SSUH2: variants seen among roughly 807,000 people sequenced by gnomAD.
The protein encoded by SSUH2 is ssu-2 homolog.
A neutral mutation model predicts 55.3 loss-of-function variants in SSUH2; 47 were observed. The observed-to-expected ratio is 0.85, with a 90% confidence interval of 0.67 to 1.08. The LOEUF is 1.08. Ranked by LOEUF, SSUH2 falls within the 50% of genes least tolerant of loss-of-function variation. The pLI is 0.00. For missense variants in SSUH2, 535 were observed against 490.7 expected, an observed-to-expected ratio of 1.09 and a Z score of -0.85; for synonymous variants, 212 against 191.5, an observed-to-expected ratio of 1.11 and a Z score of -0.89.
chr3:8,672,069 C>G (rs1463832896), intron 3 of SSUH2: 1 of 152,096 alleles, frequency 6.6e-6, no homozygotes, highest in Non-Finnish European at 1.5e-5. Context: ...GGGAGTGTTT[C>G]CACCCCCAGC....
chr3:8,627,326 G>T (rs924333377), intron 8 of SSUH2: 5 of 194,124 alleles, frequency 2.6e-5, no homozygotes, highest in Admixed American at 6.1e-5. Flanking sequence ...ATAGGGGCTT[G>T]CCCAGGAACT....
intron 7 of SSUH2, among the ~76,000 whole-genome samples, chr3:8,629,106 G>A (rs1280279142): frequency 2.6e-5 from 4 of 152,142 alleles, no homozygotes; most frequent in Non-Finnish European, 5.9e-5. Flanking sequence ...TGATCTGCCC[G>A]CCTTGGCCTC....
chr3:8,630,257 C>A (rs907702812), intron 6 of SSUH2, among the ~76,000 whole-genome samples: 1 of 152,132 alleles, frequency 6.6e-6, no homozygotes, highest in African/African-American at 2.4e-5. Flanking sequence ...ACCCTTAAAT[C>A]CAGTCCAAAA....
chr3:8,680,066 A>AT (rs1169901267), intron 1 of SSUH2, among the ~76,000 whole-genome samples: 1 of 152,164 alleles, frequency 6.6e-6, no homozygotes, highest in Non-Finnish European at 1.5e-5. Flanking sequence ...CCGATCTGAC[A>AT]AAGCCTTTTC....
chr3:8,636,700 A>G (rs1348109402), intron 1 of SSUH2, among the ~76,000 whole-genome samples: 1 of 152,004 alleles, frequency 6.6e-6, no homozygotes, highest in Non-Finnish European at 1.5e-5. Context: ...CTCTCCCTTC[A>G]CAAACGTCAG....
At position 8,634,534 on chromosome 3, in the gene SSUH2, A is replaced by G. The variant is rs887390077; in HGVS notation, c.210-739T>C. The G allele has an allele frequency of 3.9e-6, 5 of 1,289,656 alleles. No homozygotes were observed. The Admixed American group carries it at 6.9e-5, about 18-fold the overall frequency. 79.9% of individuals were successfully genotyped at this position (1,289,656 alleles called of 1,614,324 possible). A position where few individuals can be genotyped will look rare whatever the true frequency, so the allele number is the denominator to read the frequency against. On this transcript the variant is annotated intron_variant, in intron 3 of 11. Transcript: ENST00000544814. ...CACACTTGTATCTCCAGCATCCTCCAGCCCTGGCACACAGAGGGGCCCGTC... is the reference window on the plus strand; with the variant it reads ...CACACTTGTATCTCCAGCATCCTCCGGCCCTGGCACACAGAGGGGCCCGTC...
chr3:8,666,632 T>C (rs1428780728), intron 5 of SSUH2, among the ~76,000 whole-genome samples: 1 of 152,130 alleles, frequency 6.6e-6, no homozygotes, highest in East Asian at 1.9e-4. Flanking sequence ...TGTGACCAAA[T>C]GTAGGCAGGG....
At chr3:8,639,515 G>C (rs1700482084) in intron 1 of SSUH2, among the ~76,000 whole-genome samples, 1 of 152,212 alleles carries the variant, frequency 6.6e-6, no homozygotes, top group Non-Finnish European at 1.5e-5. Context: ...TCCATGCAAA[G>C]AGCATCAGGT....
At chr3:8,681,234 C>G (rs1304211177) in intron 1 of SSUH2, among the ~76,000 whole-genome samples, 3 of 146,556 alleles carry the variant, frequency 2.0e-5, no homozygotes, top group African/African-American at 7.5e-5. Context: ...CTCAGGACCC[C>G]CATCGCAGGG....
chr3:8,663,666 G>T, intron 6 of SSUH2: 2 of 368,808 alleles, frequency 5.4e-6, no homozygotes, highest in South Asian at 2.0e-5. Flanking sequence ...GGGGTGCTAG[G>T]AATGTGTTAA....
intron 6 of SSUH2, among the ~76,000 whole-genome samples, chr3:8,662,239 T>A (rs1292953596): frequency 6.6e-6 from 1 of 152,188 alleles, no homozygotes; most frequent in Non-Finnish European, 1.5e-5. Flanking sequence ...TTGCAAGACA[T>A]GCAGAAATGA....
chr3:8,673,589 C>T (rs561483424), intron 3 of SSUH2, among the ~76,000 whole-genome samples: 2 of 152,344 alleles, frequency 1.3e-5, no homozygotes, highest in South Asian at 4.1e-4. Flanking sequence ...CCCACAACCA[C>T]ACCTGGGTTG....
chr3:8,653,883 C>G lies in SSUH2; in HGVS notation c.-307+5042G>C, dbSNP rs1179437729. Among the ~76,000 whole-genome samples, 4 of 152,196 alleles carry G rather than the reference C, an allele frequency of 2.6e-5. No individual in the cohort carries two copies. The East Asian group carries it at 5.8e-4, about 22-fold the overall frequency. On this transcript the variant is annotated intron_variant, in intron 7 of 18. Coordinates refer to the SSUH2 transcript ENST00000317371. ...TAGGCCACTTTCCGGTACTCACTCT[C>G]TACCTCCCGACCCTTCCACCCCACC...
At position 8,629,683 on chromosome 3, in the gene SSUH2, C is replaced by A. The variant is rs1698370989; in HGVS notation, c.569G>T (p.Gly190Val). 1.9e-6 allele frequency: 3 copies of A among 1,614,096 alleles called. No individual in the cohort carries two copies. The highest frequency in any genetic ancestry group is 1.3e-5 in the African/African-American group (1 of 74,924). The change falls in exon 7 of 12, where the codon GGC (glycine) becomes GTC (valine). Residue 190 changes from glycine (G) to valine (V), a missense_variant. By Grantham distance (109) the Gly-to-Val change is moderately radical. Coordinates refer to ENST00000544814, the MANE Select transcript of SSUH2 (RefSeq NM_001256748.3). ...CHGRGRYKCS[G>V]CHGAGTVRCP... is the part of the protein sequence containing the mutation. ...ACTCACCGTGCCCGCCCCGTGGCAGCCGCTGCACTTGTACCGCCCACGCCC... is the reference window on the plus strand; with the variant it reads ...ACTCACCGTGCCCGCCCCGTGGCAGACGCTGCACTTGTACCGCCCACGCCC...
At chr3:8,658,683 C>T (rs937459579) in intron 7 of SSUH2, among the ~76,000 whole-genome samples, 3 of 152,184 alleles carry the variant, frequency 2.0e-5, no homozygotes, top group African/African-American at 7.2e-5. Context: ...AGCGTCAAGC[C>T]TCCAGATAGC....
intron 3 of SSUH2, among the ~76,000 whole-genome samples, chr3:8,676,641 T>G (rs1022381782): frequency 6.6e-5 from 10 of 151,048 alleles, no homozygotes; most frequent in African/African-American, 2.2e-4. Flanking sequence ...GAGTCATATC[T>G]GCCTATTATG....
chr3:8,630,025 G>A (rs1698444354), intron 6 of SSUH2, among the ~76,000 whole-genome samples: 1 of 152,190 alleles, frequency 6.6e-6, no homozygotes, highest in African/African-American at 2.4e-5. Context: ...GAACTACAAA[G>A]GCTGATGGCA....
chr3:8,644,852 C>T (rs544049207), upstream of SSUH2: 4 of 1,058,294 alleles, frequency 3.8e-6, no homozygotes, highest in Non-Finnish European at 5.6e-6. Context: ...CCCAGAACAG[C>T]AGGCCCATTG....
chr3:8,658,577 G>A (rs1449704097), intron 7 of SSUH2, among the ~76,000 whole-genome samples: 4 of 152,282 alleles, frequency 2.6e-5, no homozygotes, highest in East Asian at 1.9e-4. Context: ...TTGTTCGGCC[G>A]GGTGGTTTAC....
Sources: allele counts gnomAD v4.1 joint callset (sites outside exome capture counted in the v4.1 genomes callset), GRCh38; gene constraint gnomAD v4.1.1; transcripts MANE v1.5; gene names NCBI Gene and HGNC (gene_info 2026-07-23, HGNC 2026-07-21).